Variants in LMOD3 observed in about 807,000 individuals in gnomAD.
The protein encoded by LMOD3 is leiomodin 3.
In LMOD3, 31 loss-of-function variants were observed where a neutral mutation model predicts 41.8. That is an observed-to-expected ratio of 0.74 (90% CI 0.56 to 1.00). The LOEUF is 1.00. LMOD3 is among the 50% of genes least tolerant of loss of function. The pLI, the probability that LMOD3 is intolerant of heterozygous loss-of-function variation, is 0.00. For missense variants in LMOD3, 755 were observed against 679.5 expected, an observed-to-expected ratio of 1.11 and a Z score of -1.23; for synonymous variants, 292 against 241.9, an observed-to-expected ratio of 1.21 and a Z score of -1.92.
In LMOD3 at chr3:69,117,735, G is replaced by A. The variant is rs114752487; in HGVS notation, c.1656+964C>T. ...TGCCTAAAAAGTGAGCAATACAAAT[G>A]CAATTTCGAACAGTCTCTCTTCATC... On this transcript the variant is annotated intron_variant, in intron 2 of 2. Coordinates refer to ENST00000420581, the MANE Select transcript of LMOD3 (RefSeq NM_198271.5). Among the ~76,000 whole-genome samples the A allele has an allele frequency of 3.2e-3, 486 of 151,878 alleles. 3 individuals carry two copies. Among genetic ancestry groups the A allele is most frequent in the African/African-American group, 0.011 (445 of 41,376 alleles).
chr3:69,118,899 G>C lies in LMOD3; in HGVS notation c.1456C>G (p.Arg486Gly), dbSNP rs769492984. Residue 486 changes from arginine to glycine, a missense_variant, in exon 2 of 3, where the codon CGG (arginine) becomes GGG (glycine). By Grantham distance (125) the Arg-to-Gly change is moderately radical. Transcript: ENST00000420581. The part of the protein sequence containing the change: ...PKYRTDPDSF[R>G]VVKLKRIQRK... ...TGGATTCTCTTCAGCTTCACCACCC[G>C]GAAGGAGTCAGGGTCTGTCCTGTAC... The C allele has an allele frequency of 1.3e-5, 21 of 1,611,478 alleles. No homozygotes were observed. The highest frequency in any genetic ancestry group is 1.2e-4 in the African/African-American group (9 of 74,132).
chr3:69,112,703 G>C (rs954037125), intron 2 of LMOD3, among the ~76,000 whole-genome samples: 1 of 152,170 alleles, frequency 6.6e-6, no homozygotes, highest in Admixed American at 6.5e-5. Context: ...TCACCGAGTC[G>C]TGATTGTCAA....
chr3:69,117,402 A>C (rs563456541), intron 2 of LMOD3, among the ~76,000 whole-genome samples: 1 of 152,360 alleles, frequency 6.6e-6, no homozygotes, highest in East Asian at 1.9e-4. Flanking sequence ...TTTTGAAAAA[A>C]CATGAATCTG....
rs751083284 is a variant in LMOD3 at position 69,109,126 on chromosome 3, G to A, written c.1657-5C>T. Reference sequence around the variant, plus strand: ...CAGTTCTTTTGGCAGTTGCACCTGCGATTTAAGCATTTGAGGAAACGGGGG... The same window carrying A: ...CAGTTCTTTTGGCAGTTGCACCTGCAATTTAAGCATTTGAGGAAACGGGGG... On this transcript the variant is annotated splice_polypyrimidine_tract_variant and splice_region_variant and intron_variant, in intron 2 of 2. Transcript: ENST00000420581. The A allele has an allele frequency of 1.4e-5, 23 of 1,601,362 alleles. No individual in the cohort carries two copies. The highest frequency in any genetic ancestry group is 5.1e-5 in the Admixed American group (3 of 58,370).
chr3:69,110,049 T>C (rs1463282497), intron 2 of LMOD3, among the ~76,000 whole-genome samples: 2 of 152,062 alleles, frequency 1.3e-5, no homozygotes, highest in East Asian at 1.9e-4. Flanking sequence ...ATGTCTTTCC[T>C]CTTTGAAGCA....
In LMOD3 at chr3:69,115,582, C is replaced by G. The variant is rs1001263961; in HGVS notation, c.1656+3117G>C. On this transcript the variant is annotated intron_variant, in intron 2 of 2. Transcript: ENST00000420581. ...TCTCTTTAGTAACATCATACACACA[C>G]AGAGAACCCCACAAGGTTTCAAAAC... Among the ~76,000 whole-genome samples, 3 of 152,124 alleles carry G rather than the reference C, an allele frequency of 2.0e-5. No individual in the cohort carries two copies. The East Asian group carries it at 5.8e-4, about 29-fold the overall frequency.
intron 1 of LMOD3, among the ~76,000 whole-genome samples, chr3:69,121,436 C>T (rs881804): frequency 0.046 from 6,524 of 142,560 alleles, 417 homozygotes; most frequent in East Asian, 0.23. Context: ...TCAAGTGGAA[C>T]ATAAAAAAAA....
At chr3:69,116,031 T>C (rs935547944) in intron 2 of LMOD3, among the ~76,000 whole-genome samples, 1 of 152,186 alleles carries the variant, frequency 6.6e-6, no homozygotes, top group Non-Finnish European at 1.5e-5. Context: ...GTGAGACGGG[T>C]ATGCAAGAAT....
Position 69,119,713 on chromosome 3 carries a change from C to A in LMOD3, c.642G>T (p.Ser214=), listed in dbSNP as rs9815992. 2.5e-6 allele frequency: 4 copies of A among 1,613,690 alleles called. No homozygotes were observed. In the African/African-American group the frequency reaches 5.3e-5, roughly 22 times the overall value. ...GAGCTAACTTCTTAGGATCTAATTT[C>A]GATATTTTTTTCTCACTTTGTTCTT... ...EAQEQSEKKI[S]KLDPKKLALD... Residue 214 remains serine, a synonymous_variant, in exon 2 of 3, where the codon TCG becomes TCT. Coordinates refer to ENST00000420581, the MANE Select transcript of LMOD3 (RefSeq NM_198271.5).
chr3:69,113,670 A>G (rs145167180), intron 2 of LMOD3, among the ~76,000 whole-genome samples: 447 of 152,336 alleles, frequency 2.9e-3, no homozygotes, highest in African/African-American at 0.01. Flanking sequence ...CTGAAGTGAA[A>G]TTGAGTGAAT....
Position 69,108,905 on chromosome 3 carries a change from C to A in LMOD3, c.*190G>T. The A allele has an allele frequency of 2.1e-6, 1 of 478,768 alleles. No homozygotes were observed. 29.7% of individuals were successfully genotyped at this position (478,768 alleles called of 1,614,324 possible). ...AAATATTATATTTTATCTCCTTCCA[C>A]CTTCCTCTTCAGCCCCTACTTCTTC... On this transcript the variant is annotated 3_prime_UTR_variant, in exon 3 of 3. Transcript: ENST00000420581.
chr3:69,120,120 A>G (rs2092400562), intron 1 of LMOD3, 60 bp from the exon 2 acceptor site: 2 of 1,506,144 alleles, frequency 1.3e-6, no homozygotes, highest in South Asian at 2.8e-5. Context: ...GAAGTGGAGC[A>G]TCAGCTAGTG....
At chr3:69,120,585 G>T (rs188944164) in intron 1 of LMOD3, among the ~76,000 whole-genome samples, 1 of 150,944 alleles carries the variant, frequency 6.6e-6, no homozygotes, top group African/African-American at 2.4e-5. Context: ...AATTAGATAC[G>T]TTTGACATTT....
Position 69,118,882 on chromosome 3 carries a change from C to A in LMOD3, c.1473G>T (p.Lys491Asn). Residue 491 changes from lysine to asparagine, a missense_variant, in exon 2 of 3, where the codon AAG becomes AAT. By Grantham distance (94) the Lys-to-Asn change is moderately conservative. Transcript: ENST00000420581. Reference sequence around the variant, plus strand: ...GCATCCGAGATTTGCGCTGGATTCTCTTCAGCTTCACCACCCGGAAGGAGT... The same window carrying A: ...GCATCCGAGATTTGCGCTGGATTCTATTCAGCTTCACCACCCGGAAGGAGT... ...DPDSFRVVKL[K>N]RIQRKSRMPE... 6.2e-7 allele frequency: 1 copy of A among 1,611,262 alleles called. No individual in the cohort carries two copies.
At chr3:69,113,033 G>C (rs927051125) in intron 2 of LMOD3, among the ~76,000 whole-genome samples, 4 of 152,164 alleles carry the variant, frequency 2.6e-5, no homozygotes, top group Admixed American at 2.6e-4. Flanking sequence ...CCCTTCATTA[G>C]AATTGTAACA....
intron 2 of LMOD3, among the ~76,000 whole-genome samples, chr3:69,110,214 T>G (rs937608587): frequency 1.3e-5 from 2 of 151,890 alleles, no homozygotes; most frequent in African/African-American, 4.8e-5. Context: ...GTGAGACCCA[T>G]CTCACCTTGT....
At chr3:69,109,211 A>G in intron 2 of LMOD3, 90 bp from the exon 3 acceptor site, 1 of 1,185,136 alleles carries the variant, frequency 8.4e-7, no homozygotes, top group Non-Finnish European at 1.2e-6. Context: ...ACATGCCTTA[A>G]AAGATACAGA....
chr3:69,118,110 G>C (rs148036458), intron 2 of LMOD3, among the ~76,000 whole-genome samples: 1 of 152,190 alleles, frequency 6.6e-6, no homozygotes, highest in East Asian at 1.9e-4. Flanking sequence ...GATTACAGGC[G>C]TGAGCCAATG....
In LMOD3 at chr3:69,119,605, T is replaced by C. The variant is rs1056750273; in HGVS notation, c.750A>G (p.Lys250=). ...TGAGTTCCTTCATGTCAGGATCATT[T>C]TTCCTAACTCTCCTCAAGCTCCCAT... ...DLDGSLRRVR[K]NDPDMKELNL... Residue 250 remains lysine, a synonymous_variant, in exon 2 of 3, where the codon AAA becomes AAG. Transcript: ENST00000420581. The C allele has an allele frequency of 6.2e-7, 1 of 1,613,830 alleles. No individual in the cohort carries two copies. Among genetic ancestry groups the C allele is most frequent in the African/African-American group, 1.3e-5 (1 of 75,052 alleles).
Sources: gnomAD v4.1 joint callset for allele counts (sites outside exome capture counted in the v4.1 genomes callset) on GRCh38, gnomAD v4.1.1 for gene constraint, MANE v1.5 for transcripts, NCBI Gene and HGNC (gene_info 2026-07-23, HGNC 2026-07-21) for gene names.